VWA3B: variants seen among roughly 807,000 people sequenced by gnomAD.
VWA3B encodes the protein von Willebrand factor A domain-containing protein 3B.
Under a neutral mutation model 158.3 loss-of-function variants are expected in VWA3B, and 138 were observed. The observed-to-expected ratio is 0.87, with a 90% confidence interval of 0.76 to 1.00. VWA3B has a LOEUF of 1.00. Ranked by LOEUF, VWA3B falls within the 50% of genes least tolerant of loss-of-function variation. The pLI, the probability that VWA3B is intolerant of heterozygous loss-of-function variation, is 0.00. For synonymous variants in VWA3B, 596 were observed against 587.3 expected, an observed-to-expected ratio of 1.01 and a Z score of -0.21; for missense variants, 1,555 against 1,565.1, an observed-to-expected ratio of 0.99 and a Z score of 0.11.
intron 7 of VWA3B, among the ~76,000 whole-genome samples, chr2:98,153,391 A>T (rs1212651147): frequency 6.6e-6 from 1 of 152,200 alleles, no homozygotes. Context: ...GTAGCTGTAA[A>T]AATGTGGGTG....
At chr2:98,260,898 G>A (rs72817792) in intron 21 of VWA3B, among the ~76,000 whole-genome samples, 20,357 of 151,312 alleles carry the variant, frequency 0.13, 2,093 homozygotes, top group Non-Finnish European at 0.2. Flanking sequence ...TCATCCTTTC[G>A]CTTTTAACCT....
chr2:98,237,262 A>T (rs1252363741), intron 19 of VWA3B, among the ~76,000 whole-genome samples: 1 of 152,214 alleles, frequency 6.6e-6, no homozygotes, highest in African/African-American at 2.4e-5. Context: ...TTGCTAACGG[A>T]TAGAAGTGTG....
chr2:98,092,816 GTATATATA>G (rs70940110), intron 1 of VWA3B, among the ~76,000 whole-genome samples: 1,552 of 51,430 alleles, frequency 0.03, 25 homozygotes, highest in African/African-American at 0.042. Context: ...AGATGTTTTT[GTATATATA>G]TATATATATA....
At chr2:98,144,209 GA>G (rs1008019414) in intron 7 of VWA3B, among the ~76,000 whole-genome samples, 1 of 152,042 alleles carries the variant, frequency 6.6e-6, no homozygotes, top group Non-Finnish European at 1.5e-5. Context: ...GCATATATAT[GA>G]AAAATGTTTT....
At chr2:98,299,769 G>C (rs774988159) in intron 24 of VWA3B, among the ~76,000 whole-genome samples, 9 of 152,102 alleles carry the variant, frequency 5.9e-5, no homozygotes, top group Non-Finnish European at 1.2e-4. Context: ...AAACACCCCA[G>C]GTTCCTTCAA....
intron 6 of VWA3B, 145 bp from the exon 7 acceptor site, chr2:98,133,679 A>G: frequency 1.5e-6 from 1 of 653,844 alleles, no homozygotes; most frequent in East Asian, 2.5e-5. Flanking sequence ...TGGAATTGAC[A>G]AGGTGCAGGA....
chr2:98,208,150 T>A (rs1032279105), intron 12 of VWA3B, among the ~76,000 whole-genome samples: 1 of 152,050 alleles, frequency 6.6e-6, no homozygotes, highest in Non-Finnish European at 1.5e-5. Flanking sequence ...TGTGTTAAAG[T>A]CTACTTTATA....
At chr2:98,301,373 C>G (rs758508574) in intron 25 of VWA3B, among the ~76,000 whole-genome samples, 1 of 151,864 alleles carries the variant, frequency 6.6e-6, no homozygotes, top group Non-Finnish European at 1.5e-5. Flanking sequence ...GGTTGTCTGA[C>G]CTGAGCAGGT....
At chr2:98,231,668 T>C (rs1685343304) in intron 16 of VWA3B, among the ~76,000 whole-genome samples, 1 of 152,342 alleles carries the variant, frequency 6.6e-6, no homozygotes, top group East Asian at 1.9e-4. Flanking sequence ...TTAAGGAAGT[T>C]CCACACATTT....
At chr2:98,177,723 G>C (rs7573479) in intron 8 of VWA3B, among the ~76,000 whole-genome samples, 4,276 of 152,138 alleles carry the variant, frequency 0.028, 191 homozygotes, top group African/African-American at 0.098. Flanking sequence ...CCTGCCCTCA[G>C]GACTGCACCG....
intron 21 of VWA3B, among the ~76,000 whole-genome samples, chr2:98,259,195 C>T (rs891742052): frequency 6.6e-6 from 1 of 151,520 alleles, no homozygotes; most frequent in African/African-American, 2.4e-5. Context: ...TATTTATGTC[C>T]ATATTTATAA....
chr2:98,091,700 T>C (rs1403149488), intron 1 of VWA3B, among the ~76,000 whole-genome samples: 1 of 152,238 alleles, frequency 6.6e-6, no homozygotes, highest in East Asian at 1.9e-4. Context: ...TTGGTCCAAC[T>C]GATTTTTGTG....
intron 8 of VWA3B, among the ~76,000 whole-genome samples, chr2:98,166,551 C>T (rs1163629173): frequency 6.6e-6 from 1 of 152,130 alleles, no homozygotes. Flanking sequence ...CAGAAACCAG[C>T]GTTGCTGGCA....
At chr2:98,245,466 G>C in intron 19 of VWA3B, 1 of 443,564 alleles carries the variant, frequency 2.3e-6, no homozygotes, top group Non-Finnish European at 4.5e-6. Context: ...GAAGTGTGGG[G>C]TATGACTTTA....
At chr2:98,317,271 A>C (rs566324889), downstream of VWA3B, among the ~76,000 whole-genome samples, 1 of 152,176 alleles carries the variant, frequency 6.6e-6, no homozygotes, top group Non-Finnish European at 1.5e-5. Flanking sequence ...AACAACAGCA[A>C]ACGTTTTATG....
At chr2:98,137,496 A>C (rs982632565) in intron 7 of VWA3B, among the ~76,000 whole-genome samples, 2 of 152,242 alleles carry the variant, frequency 1.3e-5, no homozygotes, top group African/African-American at 4.8e-5. Flanking sequence ...AAATATCACA[A>C]TTTCAAATAA....
At chr2:98,165,270 A>G (rs1476264394) in intron 8 of VWA3B, among the ~76,000 whole-genome samples, 2 of 152,246 alleles carry the variant, frequency 1.3e-5, no homozygotes, top group Non-Finnish European at 2.9e-5. Context: ...TGCTAGTATT[A>G]TCTCCGTTTT....
At chr2:98,161,146 CTT>C (rs1284742092) in intron 7 of VWA3B, among the ~76,000 whole-genome samples, 2 of 152,168 alleles carry the variant, frequency 1.3e-5, no homozygotes, top group South Asian at 2.1e-4. Flanking sequence ...ATCATGCAGA[CTT>C]GGGAAGTGGG....
intron 24 of VWA3B, among the ~76,000 whole-genome samples, chr2:98,298,240 T>A (rs1049346896): frequency 7.2e-5 from 11 of 152,154 alleles, no homozygotes; most frequent in African/African-American, 2.7e-4. Flanking sequence ...GCCAACTCCC[T>A]GTTATGTAGC....
Sources: gnomAD v4.1 joint callset for allele counts (sites outside exome capture counted in the v4.1 genomes callset) on GRCh38, gnomAD v4.1.1 for gene constraint, MANE v1.5 for transcripts, NCBI Gene and HGNC (gene_info 2026-07-23, HGNC 2026-07-21) for gene names.